The following ITGA9 variants were observed in gnomAD, a reference collection of about 807,000 sequenced individuals.
ITGA9 encodes integrin alpha-9.
ITGA9 carries 56 observed loss-of-function variants against 127.8 expected under a neutral mutation model. That is an observed-to-expected ratio of 0.44 (90% CI 0.35 to 0.55). The LOEUF is 0.55. Ranked by LOEUF, ITGA9 falls within the 20% of genes least tolerant of loss-of-function variation. ITGA9 has a pLI of 0.00. For synonymous variants in ITGA9, 508 were observed against 514.5 expected (o/e 0.99, Z 0.17); for missense variants, 1,196 against 1,347.1 (o/e 0.89, Z 1.76).
At chr3:37,771,566 C>T (rs1192942706) in intron 23 of ITGA9, among the ~76,000 whole-genome samples, 5 of 151,954 alleles carry the variant, frequency 3.3e-5, no homozygotes, top group Non-Finnish European at 7.4e-5. Context: ...TCATCAAGAG[C>T]GTCTGTACCA....
chr3:37,504,698 A>G (rs964085892), intron 6 of ITGA9, among the ~76,000 whole-genome samples: 5 of 152,166 alleles, frequency 3.3e-5, no homozygotes, highest in East Asian at 1.9e-4. Flanking sequence ...TTGTATACAC[A>G]TTAGAGGCTC....
At chr3:37,575,999 G>A (rs1367189076) in intron 15 of ITGA9, among the ~76,000 whole-genome samples, 1 of 152,370 alleles carries the variant, frequency 6.6e-6, no homozygotes, top group Non-Finnish European at 1.5e-5. Flanking sequence ...TGGAACTGAT[G>A]ATTCTCAGAA....
intron 15 of ITGA9, among the ~76,000 whole-genome samples, chr3:37,615,897 A>T (rs1224208184): frequency 2.6e-5 from 4 of 151,852 alleles, no homozygotes; most frequent in Non-Finnish European, 1.5e-5. Context: ...AATTTTGTTG[A>T]TCTTTTCAAA....
At chr3:37,677,774 A>T (rs879922134) in intron 17 of ITGA9, among the ~76,000 whole-genome samples, 2 of 152,180 alleles carry the variant, frequency 1.3e-5, no homozygotes, top group South Asian at 2.1e-4. Context: ...CAGCTGTCAA[A>T]TTCCATGTCT....
chr3:37,673,055 T>C (rs1700652154), intron 17 of ITGA9, among the ~76,000 whole-genome samples: 2 of 152,130 alleles, frequency 1.3e-5, no homozygotes, highest in South Asian at 4.2e-4. Context: ...TCTAAATAAT[T>C]CCATGTTTCA....
At chr3:37,793,153 A>G (rs957781832) in intron 26 of ITGA9, among the ~76,000 whole-genome samples, 33 of 151,966 alleles carry the variant, frequency 2.2e-4, no homozygotes, top group African/African-American at 7.3e-4. Context: ...ACCCATTTCT[A>G]AATTGAAATA....
chr3:37,513,344 C>G (rs141035394), intron 8 of ITGA9, among the ~76,000 whole-genome samples: 67 of 152,272 alleles, frequency 4.4e-4, no homozygotes, highest in Middle Eastern at 6.8e-3. Flanking sequence ...TGCCTTGCTG[C>G]TGGAAGTTGG....
chr3:37,785,037 AG>A lies in ITGA9; in HGVS notation c.2851del (p.Val951TrpfsTer4). ...CAAGGTGAAGGTGGATCCTGCCCTAAGGGTGGTGGAAATAGCTCATGGGAAC... is the reference window on the plus strand; with the variant it reads ...CAAGGTGAAGGTGGATCCTGCCCTAAGGTGGTGGAAATAGCTCATGGGAAC... The part of the protein sequence containing the change: ...RAKVKVDPAL[R>X]VVEIAHGNPE... On this transcript the variant is annotated frameshift_variant, in exon 26 of 28. Transcript: ENST00000264741. LOFTEE classifies it high-confidence loss of function. 6.2e-7 allele frequency: 1 copy of A among 1,614,092 alleles called. No individual in the cohort carries two copies. The highest frequency in any genetic ancestry group is 8.5e-7 in the Non-Finnish European group (1 of 1,179,966).
At chr3:37,510,789 C>T (rs981613198) in intron 8 of ITGA9, among the ~76,000 whole-genome samples, 3 of 152,284 alleles carry the variant, frequency 2.0e-5, no homozygotes, top group Non-Finnish European at 2.9e-5. Context: ...CTGGCCCTAA[C>T]CTTTGCACCA....
At chr3:37,743,651 TA>T (rs1404177426) in intron 21 of ITGA9, among the ~76,000 whole-genome samples, 3 of 152,364 alleles carry the variant, frequency 2.0e-5, no homozygotes, top group South Asian at 2.1e-4. Context: ...ATCCAGTTTT[TA>T]AAAAGTCAAA....
chr3:37,813,967 T>G (rs1697398913), intron 27 of ITGA9, among the ~76,000 whole-genome samples: 1 of 140,806 alleles, frequency 7.1e-6, no homozygotes, highest in Non-Finnish European at 1.6e-5. Context: ...TCTTTTAAAA[T>G]ATTATTAAAT....
chr3:37,536,606 C>A (rs966727381), intron 14 of ITGA9, among the ~76,000 whole-genome samples: 1 of 152,328 alleles, frequency 6.6e-6, no homozygotes, highest in Non-Finnish European at 1.5e-5. Context: ...GAAGGGACAC[C>A]AACTGCCTCT....
chr3:37,679,861 A>G (rs1700718412), intron 17 of ITGA9, among the ~76,000 whole-genome samples: 2 of 152,094 alleles, frequency 1.3e-5, no homozygotes, highest in South Asian at 4.1e-4. Flanking sequence ...CCTACCCCTG[A>G]TGTTTAGATT....
intron 1 of ITGA9, among the ~76,000 whole-genome samples, chr3:37,456,501 C>G (rs1698259492): frequency 2.0e-5 from 3 of 152,172 alleles, no homozygotes; most frequent in South Asian, 4.1e-4. Flanking sequence ...CGTGCAGCCT[C>G]CAGAGCGGAC....
intron 18 of ITGA9, among the ~76,000 whole-genome samples, chr3:37,714,774 A>G (rs72859070): frequency 0.037 from 5,565 of 152,256 alleles, 341 homozygotes; most frequent in African/African-American, 0.13. Flanking sequence ...GCAAGCCTCC[A>G]TGACTCGAAT....
chr3:37,708,739 C>G (rs1339987972), intron 18 of ITGA9, among the ~76,000 whole-genome samples: 1 of 146 alleles, frequency 6.8e-3, no homozygotes, highest in African/African-American at 0.042. Context: ...CTGGATTATC[C>G]CTTTTTACAC....
intron 18 of ITGA9, among the ~76,000 whole-genome samples, chr3:37,702,987 T>G (rs1436551362): frequency 6.6e-6 from 1 of 152,060 alleles, no homozygotes; most frequent in Admixed American, 6.6e-5. Context: ...CCCGGAAGGT[T>G]CCAGGTGTTG....
At chr3:37,747,020 C>G (rs553301403) in intron 22 of ITGA9, among the ~76,000 whole-genome samples, 10 of 152,324 alleles carry the variant, frequency 6.6e-5, no homozygotes, top group African/African-American at 2.4e-4. Context: ...GGCCACCAAG[C>G]AGCATGTCAT....
intron 27 of ITGA9, among the ~76,000 whole-genome samples, chr3:37,813,936 G>T (rs1697398645): frequency 6.6e-6 from 1 of 152,134 alleles, no homozygotes; most frequent in South Asian, 2.1e-4. Context: ...CATGTGTTTT[G>T]TGAATTCAAA....
Sources: allele counts gnomAD v4.1 joint callset (sites outside exome capture counted in the v4.1 genomes callset), GRCh38; gene constraint gnomAD v4.1.1; transcripts MANE v1.5; gene names NCBI Gene and HGNC (gene_info 2026-07-23, HGNC 2026-07-21).